Variants in OPCML observed in about 807,000 individuals in gnomAD.
OPCML encodes opioid-binding protein/cell adhesion molecule.
OPCML carries 13 observed loss-of-function variants against 37.8 expected under a neutral mutation model. That is an observed-to-expected ratio of 0.34 (90% CI 0.22 to 0.55). The LOEUF (loss-of-function observed/expected upper bound fraction) is 0.55. Among genes scored for constraint, OPCML ranks in the 20% least tolerant of loss-of-function variants. OPCML has a pLI of 0.91. For missense variants in OPCML, 341 were observed against 435.6 expected, an observed-to-expected ratio of 0.78 and a Z score of 1.93; for synonymous variants, 176 against 168.8, an observed-to-expected ratio of 1.04 and a Z score of -0.33.
At chr11:133,333,463 C>T (rs957000648) in intron 1 of OPCML, among the ~76,000 whole-genome samples, 4 of 151,996 alleles carry the variant, frequency 2.6e-5, no homozygotes, top group African/African-American at 4.8e-5. Context: ...GAAGCTGGAC[C>T]GCTTCCTTAC....
At chr11:133,101,414 T>C (rs1949083911) in intron 1 of OPCML, among the ~76,000 whole-genome samples, 1 of 152,184 alleles carries the variant, frequency 6.6e-6, no homozygotes, top group Admixed American at 6.5e-5. Context: ...ATCCAAAATA[T>C]AGAAACAATT....
intron 2 of OPCML, among the ~76,000 whole-genome samples, chr11:132,761,345 G>A (rs925407955): frequency 6.7e-6 from 1 of 149,256 alleles, no homozygotes; most frequent in African/African-American, 2.5e-5. Flanking sequence ...TAATGTGAAT[G>A]TTGGCCTGTC....
rs371382114 is a variant in OPCML, at chr11:133,322,092, A to T, written c.61+210172T>A. Among the ~76,000 whole-genome samples, 19 of 152,322 alleles carry T rather than the reference A, an allele frequency of 1.2e-4. No individual in the cohort carries two copies. In the East Asian group the frequency reaches 3.5e-3, roughly 28 times the overall value. On this transcript the variant is annotated intron_variant, in intron 1 of 7. Coordinates refer to ENST00000524381, the MANE Select transcript of OPCML (RefSeq NM_001012393.5). Reference sequence around the variant, plus strand: ...AAGGCAGCTGCTAGTTTAAAAAAATAAAAAATACAGATACAAGATTTCAAA... The same window carrying T: ...AAGGCAGCTGCTAGTTTAAAAAAATTAAAAATACAGATACAAGATTTCAAA...
At position 132,785,043 on chromosome 11, in the gene OPCML, C is replaced by A. The variant is rs551814781; in HGVS notation, c.147-127724G>T. 6.6e-5 allele frequency among the ~76,000 whole-genome samples: 10 copies of A among 152,266 alleles called. No individual in the cohort carries two copies. The South Asian group carries it at 2.1e-3, about 32-fold the overall frequency. On this transcript the variant is annotated intron_variant, in intron 2 of 7. Transcript: ENST00000524381. Reference sequence around the variant, plus strand: ...TTTATTTTCTTTTACATAATACTCCCAGAGGTTACACACTATTTTGACATC... The same window carrying A: ...TTTATTTTCTTTTACATAATACTCCAAGAGGTTACACACTATTTTGACATC...
At chr11:133,433,125 C>T (rs1359089312) in intron 1 of OPCML, among the ~76,000 whole-genome samples, 2 of 151,828 alleles carry the variant, frequency 1.3e-5, no homozygotes, top group South Asian at 2.1e-4. Context: ...CATATTTCTA[C>T]GAAGTTTTAT....
At chr11:132,760,211 C>T (rs1311468237) in intron 2 of OPCML, among the ~76,000 whole-genome samples, 4 of 152,106 alleles carry the variant, frequency 2.6e-5, no homozygotes, top group Non-Finnish European at 5.9e-5. Flanking sequence ...GAGTGTTTTA[C>T]TTCCAATTAT....
intron 1 of OPCML, among the ~76,000 whole-genome samples, chr11:132,986,291 T>C (rs1468683824): frequency 6.6e-6 from 1 of 152,176 alleles, no homozygotes; most frequent in Non-Finnish European, 1.5e-5. Flanking sequence ...AATTTTTTTT[T>C]ACTAAAAACT....
chr11:132,575,039 A>T (rs2096447152), intron 3 of OPCML, among the ~76,000 whole-genome samples: 1 of 152,002 alleles, frequency 6.6e-6, no homozygotes, highest in Admixed American at 6.6e-5. Context: ...TTTTTAAGTT[A>T]AAGTCAGTGT....
At chr11:132,874,598 G>A (rs1942940601) in intron 2 of OPCML, among the ~76,000 whole-genome samples, 1 of 152,140 alleles carries the variant, frequency 6.6e-6, no homozygotes, top group Non-Finnish European at 1.5e-5. Context: ...TCTCCCTGCT[G>A]TTGCCCCTGG....
chr11:133,480,077 G>A (rs1947340510), intron 1 of OPCML, among the ~76,000 whole-genome samples: 1 of 152,294 alleles, frequency 6.6e-6, no homozygotes, highest in East Asian at 1.9e-4. Context: ...AAGACACACA[G>A]TGCTCTGGGC....
At chr11:132,458,972 G>A (rs927399384) in intron 4 of OPCML, among the ~76,000 whole-genome samples, 1 of 152,156 alleles carries the variant, frequency 6.6e-6, no homozygotes, top group African/African-American at 2.4e-5. Flanking sequence ...TCAACAAATG[G>A]TAGTTTCTTA....
chr11:133,111,064 C>A (rs1949244872), intron 1 of OPCML, among the ~76,000 whole-genome samples: 1 of 152,134 alleles, frequency 6.6e-6, no homozygotes, highest in African/African-American at 2.4e-5. Flanking sequence ...AAATAAGGAG[C>A]TGAGGTGTTT....
At chr11:133,150,285 C>T (rs897081177) in intron 1 of OPCML, among the ~76,000 whole-genome samples, 52 of 152,324 alleles carry the variant, frequency 3.4e-4, no homozygotes, top group African/African-American at 1.2e-3. Flanking sequence ...AAACCCTTTG[C>T]ATGGATGGTC....
chr11:132,756,936 C>T (rs1946069037), intron 2 of OPCML, among the ~76,000 whole-genome samples: 1 of 152,122 alleles, frequency 6.6e-6, no homozygotes, highest in Non-Finnish European at 1.5e-5. Flanking sequence ...CCCTTGCTCC[C>T]CACCCCCTGA....
At chr11:132,462,655 C>T (rs867956414) in intron 4 of OPCML, among the ~76,000 whole-genome samples, 11 of 152,344 alleles carry the variant, frequency 7.2e-5, no homozygotes, top group South Asian at 4.1e-4. Flanking sequence ...AGCTCAATTA[C>T]ATTGCATAAC....
chr11:133,457,916 G>A (rs1315480977), intron 1 of OPCML, among the ~76,000 whole-genome samples: 1 of 152,066 alleles, frequency 6.6e-6, no homozygotes, highest in African/African-American at 2.4e-5. Context: ...GGAGGCCTAG[G>A]CAGGTGGGTC....
At chr11:133,230,696 G>A (rs1185689337) in intron 1 of OPCML, among the ~76,000 whole-genome samples, 1 of 152,210 alleles carries the variant, frequency 6.6e-6, no homozygotes, top group East Asian at 1.9e-4. Flanking sequence ...CAGTGGAGCA[G>A]CCTCAGCCTG....
chr11:133,075,611 GA>G (rs1948609553), intron 1 of OPCML, among the ~76,000 whole-genome samples: 1 of 152,198 alleles, frequency 6.6e-6, no homozygotes, highest in African/African-American at 2.4e-5. Context: ...GGCCCCCCAA[GA>G]AAAGTCTTGG....
intron 4 of OPCML, among the ~76,000 whole-genome samples, chr11:132,526,264 G>T (rs1022965344): frequency 6.6e-6 from 1 of 152,028 alleles, no homozygotes; most frequent in African/African-American, 2.4e-5. Context: ...GGGATTTCAA[G>T]CATTTATAAA....
Sources: allele counts gnomAD v4.1 joint callset (sites outside exome capture counted in the v4.1 genomes callset), GRCh38; gene constraint gnomAD v4.1.1; transcripts MANE v1.5; gene names NCBI Gene and HGNC (gene_info 2026-07-23, HGNC 2026-07-21).